Variants in PGAP4 observed in about 807,000 individuals in gnomAD.
PGAP4 encodes post-GPI attachment to proteins GalNAc transferase 4.
Under a neutral mutation model 28.2 loss-of-function variants are expected in PGAP4, and 12 were observed. The observed-to-expected ratio is 0.42, with a 90% CI of 0.27 to 0.69. The LOEUF is 0.69. PGAP4 is among the 30% of genes least tolerant of loss of function. The pLI, the probability that PGAP4 is intolerant of heterozygous loss-of-function variation, is 0.22. For synonymous variants in PGAP4, 205 were observed against 211.8 expected (o/e 0.97, Z 0.28); for missense variants, 425 against 513.5 (o/e 0.83, Z 1.67).
At chr9:101,526,677 G>A (rs142711265) in intron 2 of PGAP4, among the ~76,000 whole-genome samples, 5 of 152,268 alleles carry the variant, frequency 3.3e-5, no homozygotes, top group African/African-American at 1.2e-4. Flanking sequence ...TTGAACTCCT[G>A]ACGTCAGGTG....
intron 2 of PGAP4, among the ~76,000 whole-genome samples, chr9:101,498,901 A>G (rs1211336595): frequency 2.0e-5 from 3 of 151,978 alleles, no homozygotes; most frequent in Non-Finnish European, 2.9e-5. Context: ...TCTTCCCAGA[A>G]GATTTTCAGA....
At position 101,474,124 on chromosome 9, in the gene PGAP4, A is replaced by G. The variant is rs1826229637; in HGVS notation, c.*1757T>C. ...ATTCATAAAATTAATGTGGTTAAGA[A>G]AAAAGTGCAGGGGCTTGAAGTCAGA... On this transcript the variant is annotated 3_prime_UTR_variant, in exon 2 of 2. Transcript: ENST00000374848. The G allele has an allele frequency of 2.0e-5, 3 of 152,324 alleles. No homozygotes were observed. The South Asian group carries it at 6.2e-4, about 32-fold the overall frequency. 9.4% of individuals were successfully genotyped at this position (152,324 alleles called of 1,614,324 possible). A position where few individuals can be genotyped will look rare whatever the true frequency, so the allele number is the denominator to read the frequency against.
At chr9:101,478,137 G>C (rs1826379572) in intron 1 of PGAP4, among the ~76,000 whole-genome samples, 1 of 152,078 alleles carries the variant, frequency 6.6e-6, no homozygotes, top group Non-Finnish European at 1.5e-5. Flanking sequence ...TGTCTCATAG[G>C]GTTACTGTGA....
At chr9:101,514,385 TA>T (rs773858771) in intron 2 of PGAP4, among the ~76,000 whole-genome samples, 4 of 152,322 alleles carry the variant, frequency 2.6e-5, no homozygotes, top group Non-Finnish European at 5.9e-5. Context: ...TTACTTATCT[TA>T]CAAATGATTT....
rs1826241592 is a variant in PGAP4, at chr9:101,474,600, G to A, written c.*1281C>T. On this transcript the variant is annotated 3_prime_UTR_variant, in exon 2 of 2. Transcript: ENST00000374848. ...AAAGCTGAGCTGCACATCCTTCAGA[G>A]GTCACAATGAAAAGTCAGTCTTTAT... is the stretch of plus-strand genomic sequence containing the variant. The A allele has an allele frequency of 6.6e-6, 1 of 152,186 alleles. No individual in the cohort carries two copies. The highest frequency in any genetic ancestry group is 1.5e-5 in the Non-Finnish European group (1 of 68,040). The allele number at this position is 152,186 out of a possible 1,614,324, so 9.4% of individuals were successfully genotyped here.
At chr9:101,503,594 A>G (rs886550975) in intron 2 of PGAP4, among the ~76,000 whole-genome samples, 5 of 151,942 alleles carry the variant, frequency 3.3e-5, no homozygotes, top group Admixed American at 2.0e-4. Context: ...TTTTTTTCAG[A>G]TTAGAACCCC....
chr9:101,513,036 G>A (rs1826910358), intron 2 of PGAP4, among the ~76,000 whole-genome samples: 1 of 152,104 alleles, frequency 6.6e-6, no homozygotes, highest in African/African-American at 2.4e-5. Context: ...AAATCCTATT[G>A]CTGCATTTGT....
chr9:101,514,306 T>G (rs1826924395), intron 2 of PGAP4, among the ~76,000 whole-genome samples: 1 of 152,196 alleles, frequency 6.6e-6, no homozygotes, highest in Non-Finnish European at 1.5e-5. Flanking sequence ...GTCTAGCTCT[T>G]GGCAGCAACT....
At chr9:101,528,380 T>C (rs980694684) in intron 2 of PGAP4, among the ~76,000 whole-genome samples, 6 of 152,156 alleles carry the variant, frequency 3.9e-5, no homozygotes, top group Non-Finnish European at 7.3e-5. Context: ...CATGAAAACC[T>C]AAATTCTCCT....
chr9:101,504,045 T>C (rs995803589), intron 2 of PGAP4, among the ~76,000 whole-genome samples: 1 of 151,710 alleles, frequency 6.6e-6, no homozygotes, highest in Admixed American at 6.6e-5. Context: ...CAGTTTTTTT[T>C]CTAAAAAAGT....
intron 2 of PGAP4, among the ~76,000 whole-genome samples, chr9:101,530,084 A>G (rs1827074383): frequency 6.6e-6 from 1 of 152,276 alleles, no homozygotes; most frequent in South Asian, 2.1e-4. Context: ...TAACAATCTT[A>G]GAACAAAACA....
chr9:101,517,304 A>G (rs75223455), intron 2 of PGAP4, among the ~76,000 whole-genome samples: 3,259 of 152,302 alleles, frequency 0.021, 115 homozygotes, highest in African/African-American at 0.074. Context: ...TTTATGAAAT[A>G]AAGGTGATCA....
intron 2 of PGAP4, among the ~76,000 whole-genome samples, chr9:101,496,492 G>T (rs1826750312): frequency 6.6e-6 from 1 of 151,334 alleles, no homozygotes; most frequent in Non-Finnish European, 1.5e-5. Context: ...CAATGTAGAA[G>T]ACCATAATTT....
chr9:101,524,222 GCC>G (rs1827013480), intron 2 of PGAP4, among the ~76,000 whole-genome samples: 1 of 151,092 alleles, frequency 6.6e-6, no homozygotes, highest in Non-Finnish European at 1.5e-5. Context: ...GATTATGGAT[GCC>G]TCTGCTGAGT....
rs535945692 is a variant in PGAP4, at chr9:101,528,960, C to T, written c.-165+2388G>A. On this transcript the variant is annotated intron_variant, in intron 2 of 3. Coordinates refer to the PGAP4 transcript ENST00000374851. ...CCCTCCTCCCACCCTTCACTAGGCC[C>T]TGGTTTGTGTTGCTCCTCTCTCTCT... Among the ~76,000 whole-genome samples, 18 of 151,912 alleles carry T rather than the reference C, an allele frequency of 1.2e-4. No individual in the cohort carries two copies. The South Asian group carries it at 3.7e-3, about 32-fold the overall frequency.
intron 2 of PGAP4, among the ~76,000 whole-genome samples, chr9:101,511,319 A>G (rs1183214919): frequency 6.6e-6 from 1 of 152,152 alleles, no homozygotes; most frequent in East Asian, 1.9e-4. Flanking sequence ...CAGTCCAGGT[A>G]GCAGGGAGCA....
chr9:101,477,207 T>TA, intron 1 of PGAP4, 38 bp from the exon 2 acceptor site: 1 of 1,089,800 alleles, frequency 9.2e-7, no homozygotes, highest in Non-Finnish European at 1.2e-6. Context: ...AAGAGTAACT[T>TA]AAAAAAACAA....
intron 2 of PGAP4, among the ~76,000 whole-genome samples, chr9:101,495,728 C>G (rs901200986): frequency 6.7e-6 from 1 of 150,182 alleles, no homozygotes; most frequent in African/African-American, 2.4e-5. Flanking sequence ...ATGTAGCTTT[C>G]TTTATTACTT....
chr9:101,514,892 C>CAGA (rs1396597794), intron 2 of PGAP4, among the ~76,000 whole-genome samples: 1 of 152,142 alleles, frequency 6.6e-6, no homozygotes, highest in Non-Finnish European at 1.5e-5. Context: ...CTGTTGGGAA[C>CAGA]TCCTCAAAAG....
Sources: allele counts gnomAD v4.1 joint callset (sites outside exome capture counted in the v4.1 genomes callset), GRCh38; gene constraint gnomAD v4.1.1; transcripts MANE v1.5; gene names NCBI Gene and HGNC (gene_info 2026-07-23, HGNC 2026-07-21).